Variants in LRRC7 observed in about 807,000 individuals in gnomAD.
The protein encoded by LRRC7 is leucine-rich repeat-containing protein 7.
LRRC7 carries 23 observed loss-of-function variants against 175.7 expected under a neutral mutation model. The ratio of observed to expected loss-of-function variants is 0.13; its 90% CI spans 0.09 to 0.19. LRRC7 has a LOEUF of 0.19. Among genes scored for constraint, LRRC7 ranks in the 10% least tolerant of loss-of-function variants. The probability of loss-of-function intolerance (pLI) is 1.00; values close to 1 mark genes in which losing one functional copy is unlikely to be tolerated. For missense variants in LRRC7, 1,354 were observed against 1,904.7 expected (o/e 0.71, Z 5.38); for synonymous variants, 685 against 680.9 (o/e 1.01, Z -0.09).
intron 4 of LRRC7, among the ~76,000 whole-genome samples, chr1:69,804,363 AT>A (rs959327391): frequency 2.0e-5 from 3 of 151,462 alleles, no homozygotes; most frequent in Non-Finnish European, 4.4e-5. Flanking sequence ...ACATTTTATG[AT>A]TTTTACATAC....
chr1:69,608,036 T>C (rs781217376), intron 1 of LRRC7: 5 of 152,788 alleles, frequency 3.3e-5, no homozygotes, highest in Non-Finnish European at 7.4e-5. Context: ...AGCAAATAGC[T>C]GACGTGGGAG....
intron 7 of LRRC7, among the ~76,000 whole-genome samples, chr1:69,903,092 C>G (rs1646184990): frequency 6.6e-6 from 1 of 152,128 alleles, no homozygotes; most frequent in Non-Finnish European, 1.5e-5. Flanking sequence ...CAAATGATAA[C>G]CATGGCAAAA....
At chr1:69,916,078 T>TATATATATTATATACATATTTTATATATA (rs1557884159) in intron 7 of LRRC7, among the ~76,000 whole-genome samples, 11 of 2,324 alleles carry the variant, frequency 4.7e-3, no homozygotes, top group African/African-American at 0.012. Flanking sequence ...ATATATATAA[T>TATATATATTATATACATATTTTATATATA]ATATATATTA....
intron 22 of LRRC7, among the ~76,000 whole-genome samples, chr1:70,046,163 G>A (rs757834135): frequency 6.6e-6 from 1 of 152,006 alleles, no homozygotes; most frequent in Non-Finnish European, 1.5e-5. Context: ...TTATCAATCT[G>A]TATGACAATA....
intron 1 of LRRC7, among the ~76,000 whole-genome samples, chr1:69,666,692 T>G (rs1298417282): frequency 6.6e-6 from 1 of 152,080 alleles, no homozygotes; most frequent in African/African-American, 2.4e-5. Context: ...TTTATTTATT[T>G]GAGTCTTCTC....
intron 8 of LRRC7, among the ~76,000 whole-genome samples, chr1:69,936,494 T>C (rs540204192): frequency 1.1e-4 from 16 of 152,350 alleles, no homozygotes; most frequent in African/African-American, 3.8e-4. Flanking sequence ...TACATTATTT[T>C]TAAATTGTAG....
rs1667094299 is a variant in LRRC7 at position 70,142,337 on chromosome 1, T to C, written c.*20450T>C. The C allele has an allele frequency of 6.6e-6, 1 of 152,162 alleles. No individual in the cohort carries two copies. Among genetic ancestry groups the C allele is most frequent in the Admixed American group, 6.5e-5 (1 of 15,270 alleles). The allele number at this position is 152,162 out of a possible 1,614,324, so 9.4% of individuals were successfully genotyped here. A position where few individuals can be genotyped will look rare whatever the true frequency, so the allele number is the denominator to read the frequency against. On this transcript the variant is annotated 3_prime_UTR_variant, in exon 27 of 27. Coordinates refer to ENST00000651989, the MANE Select transcript of LRRC7 (RefSeq NM_001370785.2). ...GACACCTAGCGTCAGTGGAATGCAATGAATGCTTAATACTTCGGCTTTATA... is the reference window on the plus strand; with the variant it reads ...GACACCTAGCGTCAGTGGAATGCAACGAATGCTTAATACTTCGGCTTTATA...
At chr1:70,100,816 C>T (rs1320042554) in intron 25 of LRRC7, among the ~76,000 whole-genome samples, 1 of 152,032 alleles carries the variant, frequency 6.6e-6, no homozygotes, top group Non-Finnish European at 1.5e-5. Context: ...TCTCCTCTCT[C>T]TTAACTTCTA....
intron 2 of LRRC7, among the ~76,000 whole-genome samples, chr1:69,698,593 C>A (rs1186896485): frequency 2.0e-5 from 3 of 152,228 alleles, no homozygotes. Context: ...CCCTTCCTCA[C>A]CCCTGCAACC....
At chr1:70,002,000 G>T (rs560837732) in intron 11 of LRRC7, among the ~76,000 whole-genome samples, 1 of 152,286 alleles carries the variant, frequency 6.6e-6, no homozygotes, top group Non-Finnish European at 1.5e-5. Context: ...TATATGTGAT[G>T]CGTCTTTATA....
chr1:69,892,060 T>G (rs942038918), intron 7 of LRRC7, among the ~76,000 whole-genome samples: 2 of 152,210 alleles, frequency 1.3e-5, no homozygotes, highest in Non-Finnish European at 2.9e-5. Flanking sequence ...TATTGAAACA[T>G]CAGTCTGTAT....
At position 70,144,225 on chromosome 1, in the gene LRRC7, C is replaced by A. The variant is rs1004514150; in HGVS notation, c.*22338C>A. The A allele has an allele frequency of 6.6e-6, 1 of 152,154 alleles. No homozygotes were observed. Among genetic ancestry groups the A allele is most frequent in the Non-Finnish European group, 1.5e-5 (1 of 68,028 alleles). 9.4% of individuals were successfully genotyped at this position (152,154 alleles called of 1,614,324 possible). Reference sequence around the variant, plus strand: ...TCTGTACAGATACAAAATACAGGGACTAAAATAATGCTGTGCAGTGTATAG... The same window carrying A: ...TCTGTACAGATACAAAATACAGGGAATAAAATAATGCTGTGCAGTGTATAG... On this transcript the variant is annotated 3_prime_UTR_variant, in exon 27 of 27. Transcript: ENST00000651989.
chr1:69,651,943 C>T (rs557478466), intron 1 of LRRC7, among the ~76,000 whole-genome samples: 1 of 152,054 alleles, frequency 6.6e-6, no homozygotes, highest in East Asian at 1.9e-4. Context: ...GTCCAGTCAG[C>T]ATGACTTGGT....
At chr1:69,921,372 A>G (rs1646883398) in intron 7 of LRRC7, among the ~76,000 whole-genome samples, 1 of 152,114 alleles carries the variant, frequency 6.6e-6, no homozygotes, top group Non-Finnish European at 1.5e-5. Context: ...TTTTCCTAAT[A>G]TAAGTGTCTT....
intron 7 of LRRC7, among the ~76,000 whole-genome samples, chr1:69,869,862 C>G (rs554260732): frequency 5.9e-5 from 9 of 152,234 alleles, no homozygotes; most frequent in African/African-American, 2.2e-4. Context: ...ATTCCTTAGG[C>G]TTTCATGTGC....
intron 7 of LRRC7, among the ~76,000 whole-genome samples, chr1:69,917,102 A>T (rs12047337): frequency 0.042 from 6,434 of 152,278 alleles, 207 homozygotes; most frequent in East Asian, 0.15. Flanking sequence ...GTAAATATTT[A>T]ATACCACCAT....
chr1:69,627,395 T>A (rs1433947342), intron 1 of LRRC7, among the ~76,000 whole-genome samples: 1 of 152,246 alleles, frequency 6.6e-6, no homozygotes, highest in Non-Finnish European at 1.5e-5. Flanking sequence ...TCTGTTCATA[T>A]CCTTCGCCCA....
At chr1:69,604,505 C>A (rs977805475) in intron 1 of LRRC7, among the ~76,000 whole-genome samples, 3 of 152,098 alleles carry the variant, frequency 2.0e-5, no homozygotes, top group Non-Finnish European at 2.9e-5. Flanking sequence ...ACTAGAAAAA[C>A]ATTAATTCAC....
chr1:70,081,731 A>T (rs1571270644), intron 24 of LRRC7, among the ~76,000 whole-genome samples: 1 of 152,170 alleles, frequency 6.6e-6, no homozygotes. Context: ...GGAAAAATGC[A>T]CCCTTCACTC....
Sources: allele counts gnomAD v4.1 joint callset (sites outside exome capture counted in the v4.1 genomes callset), GRCh38; gene constraint gnomAD v4.1.1; transcripts MANE v1.5; gene names NCBI Gene and HGNC (gene_info 2026-07-23, HGNC 2026-07-21).